Variants in SLC9A9 observed in about 807,000 individuals in gnomAD.
SLC9A9 encodes sodium/hydrogen exchanger 9.
Under a neutral mutation model 77.8 loss-of-function variants are expected in SLC9A9, and 62 were observed. The ratio of observed to expected loss-of-function variants is 0.80; its 90% CI spans 0.65 to 0.98. The LOEUF is 0.98. SLC9A9 is among the 50% of genes least tolerant of loss of function. The pLI is 0.00. For synonymous variants in SLC9A9, 320 were observed against 283.5 expected (o/e 1.13, Z -1.29); for missense variants, 775 against 774.9 (o/e 1.00, Z 0.00).
chr3:143,504,493 C>CT (rs11457890), intron 9 of SLC9A9, among the ~76,000 whole-genome samples: 33,461 of 151,970 alleles, frequency 0.22, 4,795 homozygotes, highest in Non-Finnish European at 0.33. Context: ...ATTCTGAAGG[C>CT]TTTTTTGCCT....
chr3:143,607,928 T>C (rs182778653), intron 6 of SLC9A9, among the ~76,000 whole-genome samples: 1 of 152,078 alleles, frequency 6.6e-6, no homozygotes, highest in East Asian at 1.9e-4. Flanking sequence ...TTCACAGGAG[T>C]ACAAAGAGGT....
intron 6 of SLC9A9, among the ~76,000 whole-genome samples, chr3:143,582,595 G>A (rs181246764): frequency 6.6e-5 from 10 of 152,168 alleles, no homozygotes; most frequent in African/African-American, 1.9e-4. Flanking sequence ...ACAACAGGGT[G>A]TCCAGGAAGG....
At chr3:143,481,697 C>T (rs2035576935) in intron 11 of SLC9A9, among the ~76,000 whole-genome samples, 1 of 152,160 alleles carries the variant, frequency 6.6e-6, no homozygotes, top group African/African-American at 2.4e-5. Flanking sequence ...TTCAGGGCTT[C>T]TAATAAGCTT....
chr3:143,781,430 G>T (rs13091085), intron 4 of SLC9A9, among the ~76,000 whole-genome samples: 85,132 of 152,002 alleles, frequency 0.56, 26,606 homozygotes, highest in African/African-American at 0.84. Flanking sequence ...ACAAAGTAAA[G>T]GCACAATAAA....
At chr3:143,797,676 C>T (rs779460488) in intron 2 of SLC9A9, among the ~76,000 whole-genome samples, 35 of 152,068 alleles carry the variant, frequency 2.3e-4, no homozygotes, top group Non-Finnish European at 4.1e-4. Context: ...GATGACATTA[C>T]CTTGTGAAAT....
chr3:143,478,183 A>G (rs2035514449), intron 11 of SLC9A9, among the ~76,000 whole-genome samples: 1 of 152,258 alleles, frequency 6.6e-6, no homozygotes, highest in Non-Finnish European at 1.5e-5. Flanking sequence ...AAGGAAGGGT[A>G]GCTCACAATC....
rs140543360 is a variant in SLC9A9 at position 143,833,536 on chromosome 3, A to C, written c.176-1315T>G. On this transcript the variant is annotated intron_variant, in intron 1 of 15. Coordinates refer to ENST00000316549, the MANE Select transcript of SLC9A9 (RefSeq NM_173653.4). ...TAGATTTGTCCAGAAGAGCTGAATC[A>C]GAATGAGTTGGGATCCAGTTTGCAC... is the stretch of plus-strand genomic sequence containing the variant. Among the ~76,000 whole-genome samples the C allele has an allele frequency of 1.2e-3, 178 of 152,326 alleles. 1 individual carries two copies. The highest frequency in any genetic ancestry group is 2.1e-3 in the Non-Finnish European group (146 of 68,010).
intron 11 of SLC9A9, among the ~76,000 whole-genome samples, chr3:143,480,186 T>C (rs1309237235): frequency 2.6e-5 from 4 of 152,228 alleles, no homozygotes; most frequent in Admixed American, 6.5e-5. Flanking sequence ...TATTGTGGTG[T>C]GCCAAATAGC....
At chr3:143,281,507 G>A (rs1252271713) in intron 14 of SLC9A9, among the ~76,000 whole-genome samples, 1 of 152,064 alleles carries the variant, frequency 6.6e-6, no homozygotes, top group African/African-American at 2.4e-5. Context: ...GAGCACCACA[G>A]AAGACGGAGA....
intron 5 of SLC9A9, among the ~76,000 whole-genome samples, chr3:143,662,166 A>C (rs558313205): frequency 1.3e-5 from 2 of 152,352 alleles, no homozygotes; most frequent in East Asian, 3.9e-4. Flanking sequence ...GAGAAAAAGA[A>C]ACCAGTTTCA....
At position 143,316,661 on chromosome 3, in the gene SLC9A9, G is replaced by A. The variant is rs1353257944; in HGVS notation, c.1604+46823C>T. Among the ~76,000 whole-genome samples, 4 of 152,274 alleles carry A rather than the reference G, an allele frequency of 2.6e-5. No homozygotes were observed. The East Asian group carries it at 7.7e-4, about 29-fold the overall frequency. Reference sequence around the variant, plus strand: ...GTAAATATGAAATAATGCACCCTGGGCATTGGATAAACTCTGACCTTCTGA... The same window carrying A: ...GTAAATATGAAATAATGCACCCTGGACATTGGATAAACTCTGACCTTCTGA... On this transcript the variant is annotated intron_variant, in intron 14 of 15. Coordinates refer to ENST00000316549, the MANE Select transcript of SLC9A9 (RefSeq NM_173653.4).
chr3:143,588,039 G>T (rs2037574414), intron 6 of SLC9A9, among the ~76,000 whole-genome samples: 1 of 152,182 alleles, frequency 6.6e-6, no homozygotes, highest in African/African-American at 2.4e-5. Flanking sequence ...TAGGAAGACA[G>T]ATTCCCAGCT....
intron 4 of SLC9A9, among the ~76,000 whole-genome samples, chr3:143,772,974 C>A (rs1282439199): frequency 6.6e-6 from 1 of 152,174 alleles, no homozygotes; most frequent in Non-Finnish European, 1.5e-5. Context: ...CAGAGCTGAA[C>A]TGAATGAGAT....
At chr3:143,361,937 C>A (rs1051539953) in intron 14 of SLC9A9, among the ~76,000 whole-genome samples, 1 of 152,102 alleles carries the variant, frequency 6.6e-6, no homozygotes, top group Non-Finnish European at 1.5e-5. Flanking sequence ...CTTTTTATCT[C>A]ATTTCTGATT....
At chr3:143,778,014 G>A (rs867095191) in intron 4 of SLC9A9, among the ~76,000 whole-genome samples, 4 of 74,234 alleles carry the variant, frequency 5.4e-5, no homozygotes, top group African/African-American at 2.0e-4. Flanking sequence ...CGCCCGGCCC[G>A]TCACTGATAC....
chr3:143,602,021 C>T (rs2037852977), intron 6 of SLC9A9, among the ~76,000 whole-genome samples: 1 of 152,170 alleles, frequency 6.6e-6, no homozygotes, highest in Non-Finnish European at 1.5e-5. Flanking sequence ...AGCCTATATA[C>T]AGCAGTATTC....
rs1203519109 is a variant in SLC9A9, at chr3:143,578,601, G to T, written c.878C>A (p.Ala293Asp). ...AAAGGATATCAGTGCTGTGATGATGGCATACGCAGACCCCATTGCAAATGA... is the reference window on the plus strand; with the variant it reads ...AAAGGATATCAGTGCTGTGATGATGTCATACGCAGACCCCATTGCAAATGA... ...AGSFAMGSAY[A>D]IITALLTKFT... The change falls in exon 7 of 16, where the codon GCC becomes GAC. Residue 293 changes from alanine (A) to aspartate (D), a missense_variant. Physicochemically the swap from Ala to Asp is moderately radical, Grantham distance 126. Transcript: ENST00000316549. 1.9e-6 allele frequency: 3 copies of T among 1,613,862 alleles called. No individual in the cohort carries two copies. The highest frequency in any genetic ancestry group is 3.3e-4 in the Middle Eastern group (2 of 6,080).
intron 1 of SLC9A9, 33 bp downstream of exon 1, chr3:143,848,115 G>T (rs773431083): frequency 1.8e-5 from 29 of 1,595,578 alleles, no homozygotes; most frequent in Non-Finnish European, 1.7e-6. Flanking sequence ...CAAGCAACAA[G>T]TTTCACATCA....
chr3:143,454,864 G>A (rs540762249), intron 12 of SLC9A9, among the ~76,000 whole-genome samples: 2 of 152,310 alleles, frequency 1.3e-5, no homozygotes, highest in South Asian at 2.1e-4. Flanking sequence ...TCCTTGCCAC[G>A]TAGCCACTTC....
Sources: allele counts gnomAD v4.1 joint callset (sites outside exome capture counted in the v4.1 genomes callset), GRCh38; gene constraint gnomAD v4.1.1; transcripts MANE v1.5; gene names NCBI Gene and HGNC (gene_info 2026-07-23, HGNC 2026-07-21).